Variants in REL observed in about 807,000 individuals in gnomAD.
REL encodes the protein REL proto-oncogene, NF-kB subunit.
REL carries 15 observed loss-of-function variants against 45.9 expected under a neutral mutation model. The observed-to-expected ratio is 0.33, with a 90% CI of 0.22 to 0.50. The LOEUF is 0.50. REL is among the 20% of genes least tolerant of loss of function. The probability of loss-of-function intolerance (pLI) is 0.98; values close to 1 mark genes in which losing one functional copy is unlikely to be tolerated. For missense variants in REL, 601 were observed against 715.2 expected (o/e 0.84, Z 1.82); for synonymous variants, 239 against 242.1 (o/e 0.99, Z 0.12).
rs185895887 is a variant in REL, at chr2:60,905,268, G to A, written c.394+4185G>A. ...CGCCACCGCACCCGGCTAATTTTTT[G>A]TATTTTTAGTAGAGATGGGGTTTCA... On this transcript the variant is annotated intron_variant, in intron 4 of 9. Transcript: ENST00000394479. Among the ~76,000 whole-genome samples, 99 of 152,106 alleles carry A rather than the reference G, an allele frequency of 6.5e-4. 1 individual carries two copies. Among genetic ancestry groups the A allele is most frequent in the African/African-American group, 2.1e-3 (88 of 41,492 alleles).
intron 3 of REL, 179 bp from the exon 4 acceptor site, chr2:60,900,813 C>A (rs566126895): frequency 5.4e-6 from 3 of 552,514 alleles, no homozygotes; most frequent in Admixed American, 8.6e-5. Flanking sequence ...ACAAGCCACG[C>A]GCCCAGCCAT....
chr2:60,931,601 A>C lies in REL; in HGVS notation c.*9066A>C, dbSNP rs1341828433. On this transcript the variant is annotated 3_prime_UTR_variant, in exon 10 of 10. Coordinates refer to ENST00000394479, the MANE Select transcript of REL (RefSeq NM_001291746.2). ...TTTTTTTCTTGATAATAAATGGAAA[A>C]ATTCTAAAACACTTGCTGAAATTTT... is the stretch of plus-strand genomic sequence containing the variant. 2 of 152,192 alleles carry C rather than the reference A, an allele frequency of 1.3e-5. No individual in the cohort carries two copies. The highest frequency in any genetic ancestry group is 4.8e-5 in the African/African-American group (2 of 41,448). 9.4% of individuals were successfully genotyped at this position (152,192 alleles called of 1,614,324 possible). A position where few individuals can be genotyped will look rare whatever the true frequency, so the allele number is the denominator to read the frequency against.
chr2:60,898,699 T>C (rs1036103956), intron 3 of REL, among the ~76,000 whole-genome samples: 1 of 152,230 alleles, frequency 6.6e-6, no homozygotes, highest in African/African-American at 2.4e-5. Context: ...TGTTGTAGCA[T>C]GAAAGCAGCC....
rs912385561 is a variant in REL, at chr2:60,922,540, C to A, written c.*5C>A. 20 of 1,589,882 alleles carry A rather than the reference C, an allele frequency of 1.3e-5. No homozygotes were observed. Among genetic ancestry groups the A allele is most frequent in the Non-Finnish European group, 1.7e-5 (20 of 1,169,018 alleles). ...TATGAATTTTTTCAAGTATAACTTGCAAGATTTAAATCCTTTTAAATCTTG... is the reference window on the plus strand; with the variant it reads ...TATGAATTTTTTCAAGTATAACTTGAAAGATTTAAATCCTTTTAAATCTTG... On this transcript the variant is annotated 3_prime_UTR_variant, in exon 10 of 10. Transcript: ENST00000394479.
Position 60,920,609 on chromosome 2 carries a change from G to A in REL, c.958G>A (p.Gly320Ser), listed in dbSNP as rs749138316. The A allele has an allele frequency of 3.1e-6, 5 of 1,604,832 alleles. No homozygotes were observed. Among genetic ancestry groups the A allele is most frequent in the African/African-American group, 1.3e-5 (1 of 74,758 alleles). ...TGAGAGACCAAGACCTGGTCTCCTC[G>A]GTTCAATTGGAGAAGGAAGATACTT... ...FPERPRPGLL[G>S]SIGEGRYFKK... The change falls in exon 9 of 10, where the codon GGT becomes AGT. Residue 320 changes from glycine (G) to serine (S), a missense_variant. Physicochemically the swap from Gly to Ser is moderately conservative, Grantham distance 56 (BLOSUM62 0). This residue lies in a region of REL where 334 missense variants were observed against 333.1 expected (regional missense o/e 1.00). Transcript: ENST00000394479.
chr2:60,914,916 C>A (rs1388082584), intron 4 of REL, among the ~76,000 whole-genome samples: 1 of 150,356 alleles, frequency 6.7e-6, no homozygotes, highest in Non-Finnish European at 1.5e-5. Context: ...TCACTGCAAG[C>A]TCTGCCTCTC....
chr2:60,922,218 C>T lies in REL; in HGVS notation c.1447C>T (p.Leu483=). Residue 483 remains leucine (L), a synonymous_variant, in exon 10 of 10, where the codon CTG becomes TTG. Transcript: ENST00000394479. ...SMGETDNPRL[L]SMNLENPSCN... ...GGGAGAGACTGATAATCCAAGACTT[C>T]TGAGCATGAATCTTGAAAACCCCTC... 1 of 1,614,174 alleles carries T rather than the reference C, an allele frequency of 6.2e-7. No homozygotes were observed. Among genetic ancestry groups the T allele is most frequent in the Non-Finnish European group, 8.5e-7 (1 of 1,180,034 alleles).
At chr2:60,896,103 A>G (rs534273813) in intron 3 of REL, among the ~76,000 whole-genome samples, 1 of 151,950 alleles carries the variant, frequency 6.6e-6, no homozygotes, top group Non-Finnish European at 1.5e-5. Flanking sequence ...CCCTGGTTCA[A>G]GTGATTCTCC....
chr2:60,920,571 C>T lies in REL; in HGVS notation c.923-3C>T. 1 of 1,583,720 alleles carries T rather than the reference C, an allele frequency of 6.3e-7. No homozygotes were observed. Among genetic ancestry groups the T allele is most frequent in the Non-Finnish European group, 8.7e-7 (1 of 1,155,170 alleles). On this transcript the variant is annotated splice_polypyrimidine_tract_variant and splice_region_variant and intron_variant, in intron 8 of 9. Transcript: ENST00000394479. ...TAATAATGGAAAAACTTTATCCTAA[C>T]AGTTAATTTTCCTGAGAGACCAAGA...
chr2:60,900,884 G>T, intron 3 of REL, 108 bp from the exon 4 acceptor site: 1 of 890,404 alleles, frequency 1.1e-6, no homozygotes, highest in Non-Finnish European at 1.7e-6. Flanking sequence ...TTCATGCTTT[G>T]GTATGTACAA....
At chr2:60,917,749 C>T (rs1301657371) in intron 5 of REL, among the ~76,000 whole-genome samples, 3 of 148,214 alleles carry the variant, frequency 2.0e-5, no homozygotes, top group African/African-American at 5.0e-5. Flanking sequence ...CTTAGATATA[C>T]GTCCACCAAT....
At chr2:60,919,696 A>G (rs1674082790) in intron 7 of REL, among the ~76,000 whole-genome samples, 2 of 152,098 alleles carry the variant, frequency 1.3e-5, no homozygotes. Context: ...AAGTGCTGGG[A>G]TTGCAGGTAT....
At chr2:60,886,582 A>C (rs1391403319) in intron 1 of REL, among the ~76,000 whole-genome samples, 1 of 152,152 alleles carries the variant, frequency 6.6e-6, no homozygotes, top group East Asian at 1.9e-4. Flanking sequence ...AGTTAAGAGG[A>C]TCAAATGAGA....
At chr2:60,890,480 T>C (rs537986084) in intron 1 of REL, among the ~76,000 whole-genome samples, 3 of 152,296 alleles carry the variant, frequency 2.0e-5, no homozygotes, top group South Asian at 4.1e-4. Context: ...TTTCTCAGGA[T>C]TGCTTGCGTT....
chr2:60,913,567 T>A (rs1240187951), intron 4 of REL, among the ~76,000 whole-genome samples: 1 of 152,232 alleles, frequency 6.6e-6, no homozygotes, highest in Admixed American at 6.5e-5. Context: ...CCTTGGGTAT[T>A]TATCAGATCC....
At chr2:60,886,074 T>G (rs1048163998) in intron 1 of REL, among the ~76,000 whole-genome samples, 3 of 152,198 alleles carry the variant, frequency 2.0e-5, no homozygotes, top group African/African-American at 7.2e-5. Flanking sequence ...TTAGATTACT[T>G]CTCTCAATAT....
rs1674240633 is a variant in REL, at chr2:60,925,229, A to C, written c.*2694A>C. ...CAAGAAACAGTCTGTCATTTTACTT[A>C]CACGATGTCTAACCAAACCATAACT... On this transcript the variant is annotated 3_prime_UTR_variant, in exon 10 of 10. Transcript: ENST00000394479. 5.1e-6 allele frequency: 1 copy of C among 196,442 alleles called. No individual in the cohort carries two copies. The highest frequency in any genetic ancestry group is 1.9e-4 in the South Asian group (1 of 5,232). 12.2% of individuals were successfully genotyped at this position (196,442 alleles called of 1,614,324 possible).
Position 60,908,196 on chromosome 2 carries a change from G to C in REL, c.394+7113G>C, listed in dbSNP as rs533530484. Among the ~76,000 whole-genome samples the C allele has an allele frequency of 1.4e-3, 215 of 152,228 alleles. 2 individuals are homozygous for C. The highest frequency in any genetic ancestry group is 5.0e-3 in the African/African-American group (206 of 41,536). ...TTAAAATATTAATTTCATGCTACTT[G>C]TGGACAGGGTCTGTGATGGAATCTT... On this transcript the variant is annotated intron_variant, in intron 4 of 9. Coordinates refer to ENST00000394479, the MANE Select transcript of REL (RefSeq NM_001291746.2).
rs34562946 is a variant in REL, at chr2:60,894,001, A to G, written c.154-396A>G. Among the ~76,000 whole-genome samples, 553 of 152,306 alleles carry G rather than the reference A, an allele frequency of 3.6e-3. 1 individual carries two copies. The highest frequency in any genetic ancestry group is 6.3e-3 in the Admixed American group (97 of 15,296). On this transcript the variant is annotated intron_variant, in intron 2 of 9. Coordinates refer to ENST00000394479, the MANE Select transcript of REL (RefSeq NM_001291746.2). ...AGTAAAATGATCATATTTATGTGCTATCCTTTCCAATACGGCTTAAATATA... is the reference window on the plus strand; with the variant it reads ...AGTAAAATGATCATATTTATGTGCTGTCCTTTCCAATACGGCTTAAATATA...
Sources: gnomAD v4.1 joint callset for allele counts (sites outside exome capture counted in the v4.1 genomes callset) on GRCh38, gnomAD v4.1.1 for gene constraint, gnomAD v4.1.1 regional missense constraint, MANE v1.5 for transcripts, NCBI Gene and HGNC (gene_info 2026-07-23, HGNC 2026-07-21) for gene names.